Variants in CADPS2 observed in about 807,000 individuals in gnomAD.
The protein encoded by CADPS2 is calcium-dependent secretion activator 2.
CADPS2 carries 93 observed loss-of-function variants against 172.5 expected under a neutral mutation model. The ratio of observed to expected loss-of-function variants is 0.54; its 90% confidence interval spans 0.46 to 0.64. CADPS2 has a LOEUF of 0.64. CADPS2 is among the 30% of genes least tolerant of loss of function. The pLI is 0.00. For missense variants in CADPS2, 1,420 were observed against 1,565.9 expected (o/e 0.91, Z 1.57); for synonymous variants, 546 against 555.2 (o/e 0.98, Z 0.23).
chr7:122,537,041 GGAA>G (rs1423223197), intron 8 of CADPS2, among the ~76,000 whole-genome samples: 1 of 151,772 alleles, frequency 6.6e-6, no homozygotes, highest in African/African-American at 2.4e-5. Context: ...ATGGGAGGAG[GGAA>G]GAAGATCAGG....
chr7:122,588,109 T>C (rs2070071692), intron 6 of CADPS2, among the ~76,000 whole-genome samples: 1 of 152,082 alleles, frequency 6.6e-6, no homozygotes, highest in Admixed American at 6.6e-5. Context: ...TTCTGGATAT[T>C]AGACCTTGCT....
intron 1 of CADPS2, among the ~76,000 whole-genome samples, chr7:122,742,186 T>G (rs1234706239): frequency 2.0e-5 from 3 of 151,234 alleles, no homozygotes; most frequent in African/African-American, 7.3e-5. Flanking sequence ...AGGTCAGGAG[T>G]TCGAGACCAG....
intron 14 of CADPS2, among the ~76,000 whole-genome samples, chr7:122,454,836 G>T (rs1257546576): frequency 6.6e-6 from 1 of 152,034 alleles, no homozygotes; most frequent in Non-Finnish European, 1.5e-5. Flanking sequence ...AACACACCCA[G>T]AATGTGACCT....
intron 1 of CADPS2, among the ~76,000 whole-genome samples, chr7:122,829,176 G>A (rs1805782094): frequency 6.6e-6 from 1 of 152,150 alleles, no homozygotes; most frequent in African/African-American, 2.4e-5. Context: ...CCTGAGGTCA[G>A]TAATAATAGA....
intron 8 of CADPS2, among the ~76,000 whole-genome samples, chr7:122,520,984 C>G (rs776547387): frequency 1.3e-5 from 2 of 151,900 alleles, no homozygotes; most frequent in African/African-American, 4.8e-5. Context: ...ATGAGTCTAG[C>G]GCTTTATTCA....
At chr7:122,368,778 T>C (rs2041320847) in intron 25 of CADPS2, among the ~76,000 whole-genome samples, 1 of 152,196 alleles carries the variant, frequency 6.6e-6, no homozygotes, top group African/African-American at 2.4e-5. Flanking sequence ...CATGAGTTTC[T>C]AGAGCCTGGA....
rs1258214994 is a variant in CADPS2, at chr7:122,441,419, T to C, written c.2352+93A>G. 9 of 720,954 alleles carry C rather than the reference T, an allele frequency of 1.2e-5. No homozygotes were observed. The East Asian group carries it at 2.3e-4, about 18-fold the overall frequency. 44.7% of individuals were successfully genotyped at this position (720,954 alleles called of 1,614,324 possible). A position where few individuals can be genotyped will look rare whatever the true frequency, so the allele number is the denominator to read the frequency against. The stretch of plus-strand genomic sequence containing the variant: ...CTTGTGATGGAATCAGTAGAGAGCA[T>C]AGAATAACGGGGTCTGTCTCCCTAG... On this transcript the variant is annotated intron_variant, in intron 16 of 29. Coordinates refer to ENST00000449022, the MANE Select transcript of CADPS2 (RefSeq NM_017954.11).
intron 6 of CADPS2, among the ~76,000 whole-genome samples, chr7:122,597,444 C>G (rs2072003840): frequency 6.6e-6 from 1 of 151,950 alleles, no homozygotes; most frequent in South Asian, 2.1e-4. Context: ...CCCAACTCCC[C>G]AAGGATGGTG....
intron 7 of CADPS2, among the ~76,000 whole-genome samples, chr7:122,567,667 A>C (rs2066641971): frequency 2.0e-5 from 3 of 152,194 alleles, no homozygotes; most frequent in Admixed American, 2.0e-4. Flanking sequence ...TGTACAATGC[A>C]TAACAATAAC....
intron 6 of CADPS2, among the ~76,000 whole-genome samples, chr7:122,598,322 T>C (rs934699891): frequency 1.3e-5 from 2 of 151,922 alleles, no homozygotes; most frequent in African/African-American, 4.8e-5. Flanking sequence ...AATGAGAGTA[T>C]TATAATAGCT....
intron 4 of CADPS2, among the ~76,000 whole-genome samples, chr7:122,627,408 A>G (rs935393332): frequency 2.0e-5 from 3 of 152,158 alleles, no homozygotes; most frequent in African/African-American, 7.2e-5. Context: ...AAGGTATCCT[A>G]TTTTTAGAGG....
chr7:122,789,770 A>C (rs1467827835), intron 1 of CADPS2, among the ~76,000 whole-genome samples: 2 of 152,188 alleles, frequency 1.3e-5, no homozygotes, highest in Non-Finnish European at 2.9e-5. Flanking sequence ...AGAAACCAAA[A>C]ATAAAACATA....
intron 6 of CADPS2, among the ~76,000 whole-genome samples, chr7:122,588,094 G>C (rs1436364240): frequency 6.6e-6 from 1 of 151,624 alleles, no homozygotes; most frequent in Non-Finnish European, 1.5e-5. Flanking sequence ...TGAGTTCCTT[G>C]TAGATTCTGG....
chr7:122,565,421 G>A (rs1228375949), intron 7 of CADPS2, among the ~76,000 whole-genome samples: 1 of 152,108 alleles, frequency 6.6e-6, no homozygotes, highest in Non-Finnish European at 1.5e-5. Flanking sequence ...GGGGAATAAG[G>A]TCAGGACATG....
chr7:122,575,643 G>T (rs533685805), intron 7 of CADPS2, among the ~76,000 whole-genome samples: 1 of 151,920 alleles, frequency 6.6e-6, no homozygotes, highest in Non-Finnish European at 1.5e-5. Flanking sequence ...CACCATGTTG[G>T]CCAGGCTGGT....
rs1251496599 is a variant in CADPS2, at chr7:122,635,092, T to A, written c.787-5764A>T. ...AGCATGTGTCAATCTTAGAATATGTTCTGTGTGCAGATGAGAAGAATGTAT... is the reference window on the plus strand; with the variant it reads ...AGCATGTGTCAATCTTAGAATATGTACTGTGTGCAGATGAGAAGAATGTAT... On this transcript the variant is annotated intron_variant, in intron 3 of 29. Coordinates refer to ENST00000449022, the MANE Select transcript of CADPS2 (RefSeq NM_017954.11). 2.6e-5 allele frequency among the ~76,000 whole-genome samples: 4 copies of A among 152,136 alleles called. No homozygotes were observed. In the South Asian group the frequency reaches 8.3e-4, roughly 32 times the overall value.
chr7:122,788,789 C>T (rs1421938809), intron 1 of CADPS2, among the ~76,000 whole-genome samples: 1 of 152,154 alleles, frequency 6.6e-6, no homozygotes, highest in East Asian at 1.9e-4. Context: ...AAACTGTTCT[C>T]CTGGAGGTCA....
intron 25 of CADPS2, chr7:122,368,239 C>T (rs2041241822): frequency 6.6e-6 from 1 of 152,284 alleles, no homozygotes; most frequent in Non-Finnish European, 1.5e-5. Flanking sequence ...TTAGAGTTGC[C>T]CCACCTGGTT....
At chr7:122,394,483 G>GC (rs991744987) in intron 20 of CADPS2, among the ~76,000 whole-genome samples, 1 of 152,136 alleles carries the variant, frequency 6.6e-6, no homozygotes, top group Non-Finnish European at 1.5e-5. Context: ...CATGTCCTAA[G>GC]CCCCATTGTG....
Sources: gnomAD v4.1 joint callset for allele counts (sites outside exome capture counted in the v4.1 genomes callset) on GRCh38, gnomAD v4.1.1 for gene constraint, MANE v1.5 for transcripts, NCBI Gene and HGNC (gene_info 2026-07-23, HGNC 2026-07-21) for gene names.